The following EPHA5 variants were observed in gnomAD, a reference collection of about 807,000 sequenced individuals.
EPHA5 encodes ephrin type-A receptor 5.
Under a neutral mutation model 105.0 loss-of-function variants are expected in EPHA5, and 60 were observed. That is an observed-to-expected ratio of 0.57 (90% CI 0.46 to 0.71). EPHA5 has a LOEUF of 0.71. EPHA5 is among the 30% of genes least tolerant of loss of function. The pLI is 0.00. For missense variants in EPHA5, 1,218 were observed against 1,274.7 expected, an observed-to-expected ratio of 0.96 and a Z score of 0.68; for synonymous variants, 513 against 449.1, an observed-to-expected ratio of 1.14 and a Z score of -1.80.
At chr4:65,391,736 A>T (rs1577996491) in intron 8 of EPHA5, among the ~76,000 whole-genome samples, 1 of 152,240 alleles carries the variant, frequency 6.6e-6, no homozygotes, top group African/African-American at 2.4e-5. Flanking sequence ...TCAGATAGGG[A>T]TCACATTCTT....
chr4:65,445,574 T>C (rs1200504568), intron 5 of EPHA5, among the ~76,000 whole-genome samples: 1 of 152,114 alleles, frequency 6.6e-6, no homozygotes, highest in East Asian at 1.9e-4. Flanking sequence ...TTAAATATAA[T>C]ATCTGTGTAC....
At chr4:65,407,796 C>A (rs963980779) in intron 7 of EPHA5, among the ~76,000 whole-genome samples, 2 of 151,820 alleles carry the variant, frequency 1.3e-5, no homozygotes, top group East Asian at 3.9e-4. Context: ...CACTTCGTCA[C>A]CCAGGCTGGA....
intron 3 of EPHA5, among the ~76,000 whole-genome samples, chr4:65,512,899 TA>T (rs1383188628): frequency 6.6e-6 from 1 of 151,888 alleles, no homozygotes; most frequent in Non-Finnish European, 1.5e-5. Flanking sequence ...ATGCCAATAT[TA>T]AAACAATCTG....
chr4:65,393,962 C>T (rs749720495), intron 8 of EPHA5, among the ~76,000 whole-genome samples: 2 of 152,118 alleles, frequency 1.3e-5, no homozygotes, highest in Non-Finnish European at 2.9e-5. Flanking sequence ...TACATATCTA[C>T]TGGGGTGACA....
chr4:65,346,799 C>G (rs1363752302), intron 14 of EPHA5, among the ~76,000 whole-genome samples: 1 of 152,096 alleles, frequency 6.6e-6, no homozygotes, highest in Non-Finnish European at 1.5e-5. Flanking sequence ...AATCAAACAA[C>G]CCCATCAAAA....
At chr4:65,564,999 C>T (rs1323897355) in intron 3 of EPHA5, among the ~76,000 whole-genome samples, 1 of 151,610 alleles carries the variant, frequency 6.6e-6, no homozygotes, top group Non-Finnish European at 1.5e-5. Context: ...TCATTACATA[C>T]AATCTATTAA....
At chr4:65,397,908 T>C (rs1721407155) in intron 8 of EPHA5, among the ~76,000 whole-genome samples, 3 of 152,150 alleles carry the variant, frequency 2.0e-5, no homozygotes, top group Admixed American at 1.3e-4. Context: ...GGGGGACTGA[T>C]GGCAGTGGTG....
intron 5 of EPHA5, among the ~76,000 whole-genome samples, chr4:65,436,059 C>T (rs903322171): frequency 2.0e-5 from 3 of 151,786 alleles, no homozygotes; most frequent in African/African-American, 4.8e-5. Flanking sequence ...CCCTTAGTAA[C>T]GAAATAACTA....
At chr4:65,520,175 C>T (rs547828115) in intron 3 of EPHA5, among the ~76,000 whole-genome samples, 74 of 152,224 alleles carry the variant, frequency 4.9e-4, no homozygotes, top group African/African-American at 1.7e-3. Flanking sequence ...GGTACCAACA[C>T]AGAGATATAG....
chr4:65,471,625 G>A (rs1271723715), intron 5 of EPHA5, among the ~76,000 whole-genome samples: 1 of 152,136 alleles, frequency 6.6e-6, no homozygotes, highest in Non-Finnish European at 1.5e-5. Flanking sequence ...ATAGTGGAAA[G>A]GAAGCAGATT....
intron 5 of EPHA5, among the ~76,000 whole-genome samples, chr4:65,452,483 G>A (rs547096630): frequency 3.3e-5 from 5 of 151,654 alleles, no homozygotes; most frequent in African/African-American, 1.2e-4. Flanking sequence ...ACACTCCAGC[G>A]AAGGACAGAG....
Position 65,324,203 on chromosome 4 carries a change from C to T in EPHA5, c.2962G>A (p.Gly988Arg). ...TTCTGGTGACCGACAAGAGTCACTC[C>T]AAGCCGTCTCAAATCCCTGCATGAA... ...QVTLEDLRRL[G>R]VTLVGHQKKI... Residue 988 changes from glycine (G) to arginine (R), a missense_variant, in exon 17 of 17, where the codon GGA (glycine) becomes AGA (arginine). Transcript: ENST00000613740. 6.2e-7 allele frequency: 1 copy of T among 1,608,558 alleles called. No individual in the cohort carries two copies. Among genetic ancestry groups the T allele is most frequent in the Non-Finnish European group, 8.5e-7 (1 of 1,176,406 alleles).
At chr4:65,582,339 C>A (rs1294806481) in intron 3 of EPHA5, among the ~76,000 whole-genome samples, 1 of 151,330 alleles carries the variant, frequency 6.6e-6, no homozygotes, top group Non-Finnish European at 1.5e-5. Context: ...AATTTTAGAT[C>A]TGAACTATGA....
At chr4:65,387,427 A>C (rs2148945794) in intron 8 of EPHA5, among the ~76,000 whole-genome samples, 1 of 152,186 alleles carries the variant, frequency 6.6e-6, no homozygotes, top group Non-Finnish European at 1.5e-5. Flanking sequence ...AAGATTTAGA[A>C]GCCCCAAGGC....
chr4:65,595,459 GTAGTA>G (rs1743077666), intron 3 of EPHA5, among the ~76,000 whole-genome samples: 1 of 151,988 alleles, frequency 6.6e-6, no homozygotes, highest in Admixed American at 6.5e-5. Context: ...TGGAAAAAAT[GTAGTA>G]TTATTCTTTG....
chr4:65,606,104 T>G (rs529675292), intron 2 of EPHA5, among the ~76,000 whole-genome samples: 1 of 152,300 alleles, frequency 6.6e-6, no homozygotes, highest in East Asian at 1.9e-4. Flanking sequence ...TGGGATTCCT[T>G]GATTCGTTGC....
At chr4:65,668,068 C>T (rs1750105682) in intron 1 of EPHA5, among the ~76,000 whole-genome samples, 1 of 152,058 alleles carries the variant, frequency 6.6e-6, no homozygotes, top group Admixed American at 6.6e-5. Context: ...TGAGAGATAG[C>T]TATATATATG....
At chr4:65,425,033 C>T (rs1277881297) in intron 5 of EPHA5, among the ~76,000 whole-genome samples, 1 of 151,860 alleles carries the variant, frequency 6.6e-6, no homozygotes, top group Non-Finnish European at 1.5e-5. Flanking sequence ...GTATTGGTTA[C>T]TTGTATTTAA....
rs1721144310 is a variant in EPHA5 at position 65,336,028 on chromosome 4, C to T, written c.2693G>A (p.Arg898Gln). The change falls in exon 15 of 17, where the codon CGA (arginine) becomes CAA (glutamine). Residue 898 changes from arginine to glutamine, a missense_variant. Physicochemically the swap from Arg to Gln is conservative, Grantham distance 43 (BLOSUM62 1). Coordinates refer to ENST00000613740, the MANE Select transcript of EPHA5 (RefSeq NM_001281766.3). ...TTCATCAAACTTGGGCCTGCTATTT[C>T]GCTCTTTCTGCCAGCAATCCAGCAT... ...QLMLDCWQKERNSRPKFDEIV... is the reference protein window; with the variant it reads ...QLMLDCWQKEQNSRPKFDEIV... 5 of 1,613,198 alleles carry T rather than the reference C, an allele frequency of 3.1e-6. No homozygotes were observed. The highest frequency in any genetic ancestry group is 4.2e-6 in the Non-Finnish European group (5 of 1,179,628).
Sources: allele counts gnomAD v4.1 joint callset (sites outside exome capture counted in the v4.1 genomes callset), GRCh38; gene constraint gnomAD v4.1.1; transcripts MANE v1.5; gene names NCBI Gene and HGNC (gene_info 2026-07-23, HGNC 2026-07-21).